Variants in KCTD1 observed in about 807,000 individuals in gnomAD.
KCTD1 encodes BTB/POZ domain-containing protein KCTD1.
Under a neutral mutation model 66.0 loss-of-function variants are expected in KCTD1, and 24 were observed. That is an observed-to-expected ratio of 0.36 (90% confidence interval 0.26 to 0.51). KCTD1 has a LOEUF of 0.51. Ranked by LOEUF, KCTD1 falls within the 20% of genes least tolerant of loss-of-function variation. KCTD1 has a pLI of 0.95. For missense variants in KCTD1, 943 were observed against 1,205.2 expected, an observed-to-expected ratio of 0.78 and a Z score of 3.22; for synonymous variants, 511 against 517.2, an observed-to-expected ratio of 0.99 and a Z score of 0.16.
chr18:26,580,408 A>G (rs1986324573), intron 1 of KCTD1, among the ~76,000 whole-genome samples: 1 of 151,998 alleles, frequency 6.6e-6, no homozygotes, highest in Non-Finnish European at 1.5e-5. Context: ...TGAACCTAGC[A>G]CCTTTATCAT....
chr18:26,644,938 C>A (rs113946983), upstream of KCTD1, among the ~76,000 whole-genome samples: 5 of 152,148 alleles, frequency 3.3e-5, no homozygotes, highest in Admixed American at 6.5e-5. Context: ...AAACAGCCAA[C>A]CTGTGTCCAT....
intron 1 of KCTD1, among the ~76,000 whole-genome samples, chr18:26,505,357 C>T (rs1469191335): frequency 6.6e-6 from 1 of 152,182 alleles, no homozygotes; most frequent in Non-Finnish European, 1.5e-5. Flanking sequence ...TTGGATGTGC[C>T]GTCACACTGC....
At chr18:26,518,208 C>G (rs560846923) in intron 1 of KCTD1, among the ~76,000 whole-genome samples, 51 of 152,294 alleles carry the variant, frequency 3.3e-4, no homozygotes, top group Middle Eastern at 3.4e-3. Flanking sequence ...ACTTTTTCTT[C>G]TCTCCAATAA....
At chr18:26,596,573 T>C (rs571456262) in intron 1 of KCTD1, among the ~76,000 whole-genome samples, 18 of 152,384 alleles carry the variant, frequency 1.2e-4, no homozygotes, top group African/African-American at 4.1e-4. Context: ...GTTAAACAAC[T>C]GATGCTTTGA....
At chr18:26,555,087 A>G (rs906778775) in intron 1 of KCTD1, among the ~76,000 whole-genome samples, 2 of 152,248 alleles carry the variant, frequency 1.3e-5, no homozygotes, top group Non-Finnish European at 2.9e-5. Flanking sequence ...AAAAGGAGAT[A>G]AAGGTATGTG....
intron 1 of KCTD1, among the ~76,000 whole-genome samples, chr18:26,593,789 A>AAGG (rs1197233916): frequency 2.8e-5 from 2 of 70,670 alleles, no homozygotes; most frequent in Admixed American, 3.0e-4. Context: ...GGAGGAAGAT[A>AAGG]AGGAGGAGGA....
intron 1 of KCTD1, among the ~76,000 whole-genome samples, chr18:26,606,392 T>C (rs1022398955): frequency 4.6e-5 from 7 of 152,234 alleles, no homozygotes; most frequent in Admixed American, 6.5e-5. Context: ...ATTCAGACAG[T>C]TGGGGGGCCT....
chr18:26,558,635 T>C (rs910881073), intron 1 of KCTD1, among the ~76,000 whole-genome samples: 1 of 152,132 alleles, frequency 6.6e-6, no homozygotes, highest in Non-Finnish European at 1.5e-5. Context: ...TAAAAAAGAA[T>C]GAGATCGGCC....
At chr18:26,655,091 G>A (rs909047520) in intron 1 of KCTD1, among the ~76,000 whole-genome samples, 3 of 152,118 alleles carry the variant, frequency 2.0e-5, no homozygotes, top group Non-Finnish European at 4.4e-5. Flanking sequence ...TGCAGAATCA[G>A]GTTTAATGAA....
At chr18:26,611,370 A>C (rs1987134441) in intron 1 of KCTD1, among the ~76,000 whole-genome samples, 1 of 150,070 alleles carries the variant, frequency 6.7e-6, no homozygotes, top group South Asian at 2.1e-4. Context: ...GTTTGTTTTG[A>C]GATGGAGTCT....
intron 4 of KCTD1, chr18:26,457,072 T>C (rs1467816163): frequency 6.6e-6 from 1 of 151,316 alleles, no homozygotes; most frequent in Admixed American, 6.6e-5. Context: ...TAGTCTGCTA[T>C]GTTGCAAAAC....
intron 1 of KCTD1, among the ~76,000 whole-genome samples, chr18:26,595,948 G>A (rs545083253): frequency 6.6e-6 from 1 of 152,264 alleles, no homozygotes; most frequent in African/African-American, 2.4e-5. Flanking sequence ...AGGAAGCTGA[G>A]GAGGTGGGAG....
intron 3 of KCTD1, among the ~76,000 whole-genome samples, chr18:26,469,591 C>A (rs186156303): frequency 2.6e-5 from 4 of 152,148 alleles, no homozygotes; most frequent in Non-Finnish European, 5.9e-5. Flanking sequence ...TTCCCTGCAG[C>A]CTGCATCCTT....
chr18:26,557,059 A>T (rs755970034), intron 1 of KCTD1, among the ~76,000 whole-genome samples: 3 of 152,174 alleles, frequency 2.0e-5, no homozygotes, highest in Non-Finnish European at 4.4e-5. Flanking sequence ...GACTCCAGGG[A>T]GGGGCAAATT....
intron 2 of KCTD1, among the ~76,000 whole-genome samples, chr18:26,489,550 T>C (rs1445791136): frequency 6.6e-6 from 1 of 152,212 alleles, no homozygotes; most frequent in African/African-American, 2.4e-5. Flanking sequence ...CCTGTTTTTT[T>C]TCTTTCAATC....
At chr18:26,561,006 A>C (rs552848237) in intron 1 of KCTD1, among the ~76,000 whole-genome samples, 2 of 152,382 alleles carry the variant, frequency 1.3e-5, no homozygotes, top group South Asian at 4.1e-4. Flanking sequence ...ATCTAACTTC[A>C]GAGGCAGATG....
chr18:26,641,874 T>G (rs1343303876), upstream of KCTD1, among the ~76,000 whole-genome samples: 2 of 152,188 alleles, frequency 1.3e-5, no homozygotes, highest in Non-Finnish European at 2.9e-5. Context: ...CCAGAAGGAA[T>G]CTTCACTCAT....
chr18:26,532,447 A>T (rs1306433945), intron 1 of KCTD1, among the ~76,000 whole-genome samples: 1 of 151,526 alleles, frequency 6.6e-6, no homozygotes, highest in Non-Finnish European at 1.5e-5. Flanking sequence ...AAATTTTTGT[A>T]GAGATGGGGT....
chr18:26,569,035 G>A (rs1165691238), intron 1 of KCTD1, among the ~76,000 whole-genome samples: 2 of 152,110 alleles, frequency 1.3e-5, no homozygotes, highest in African/African-American at 4.8e-5. Context: ...TGCATAAGTA[G>A]CATTTTAACA....
Sources: allele counts gnomAD v4.1 joint callset (sites outside exome capture counted in the v4.1 genomes callset), GRCh38; gene constraint gnomAD v4.1.1; transcripts MANE v1.5; gene names NCBI Gene and HGNC (gene_info 2026-07-23, HGNC 2026-07-21).